Variants in PDE3A observed in about 807,000 individuals in gnomAD.
PDE3A encodes the protein phosphodiesterase 3A, also known as cGMP-inhibited 3',5'-cyclic phosphodiesterase 3A.
In PDE3A, 43 loss-of-function variants were observed where a neutral mutation model predicts 98.3. The observed-to-expected ratio is 0.44, with a 90% CI of 0.34 to 0.56. The LOEUF (loss-of-function observed/expected upper bound fraction) is 0.56, where lower values mean the gene tolerates loss of function less well. Among genes scored for constraint, PDE3A ranks in the 20% least tolerant of loss-of-function variants. The probability of loss-of-function intolerance (pLI) is 0.01; values close to 1 mark genes in which losing one functional copy is unlikely to be tolerated. For missense variants in PDE3A, 1,427 were observed against 1,440.7 expected, an observed-to-expected ratio of 0.99 and a Z score of 0.15; for synonymous variants, 663 against 567.9, an observed-to-expected ratio of 1.17 and a Z score of -2.38.
intron 1 of PDE3A, among the ~76,000 whole-genome samples, chr12:20,508,207 C>T (rs1946152577): frequency 6.6e-6 from 1 of 151,998 alleles, no homozygotes; most frequent in Non-Finnish European, 1.5e-5. Flanking sequence ...CACTTCCTCT[C>T]TGCCTGTGTC....
intron 2 of PDE3A, among the ~76,000 whole-genome samples, chr12:20,598,510 T>C (rs984472033): frequency 6.6e-6 from 1 of 152,114 alleles, no homozygotes; most frequent in Admixed American, 6.6e-5. Context: ...TTATGAGGTG[T>C]TTAATGTTGT....
chr12:20,433,687 A>G (rs1944735114), intron 1 of PDE3A, among the ~76,000 whole-genome samples: 1 of 152,188 alleles, frequency 6.6e-6, no homozygotes, highest in African/African-American at 2.4e-5. Flanking sequence ...AATACACAAG[A>G]TGTAATTTTA....
chr12:20,369,280 A>G lies in PDE3A; in HGVS notation c.-5A>G, dbSNP rs1943407773. 4.0e-6 allele frequency: 6 copies of G among 1,509,294 alleles called. 1 individual carries two copies. The South Asian group carries it at 7.7e-5, about 19-fold the overall frequency. 93.5% of individuals were successfully genotyped at this position (1,509,294 alleles called of 1,614,324 possible). A position where few individuals can be genotyped will look rare whatever the true frequency, so the allele number is the denominator to read the frequency against. On this transcript the variant is annotated 5_prime_UTR_variant, in exon 1 of 16. Coordinates refer to ENST00000359062, the MANE Select transcript of PDE3A (RefSeq NM_000921.5). ...GGGAATTCAGTGAAGAGGGCACCCT[A>G]TACCATGGCAGTGCCCGGCGACGCT... is the stretch of plus-strand genomic sequence containing the variant.
chr12:20,551,790 C>A, intron 1 of PDE3A: 4 of 1,614,004 alleles, frequency 2.5e-6, no homozygotes, highest in Non-Finnish European at 3.4e-6. Flanking sequence ...CGAAGATGGC[C>A]TCGGCCACAT....
intron 2 of PDE3A, among the ~76,000 whole-genome samples, chr12:20,560,873 C>G (rs967231672): frequency 3.3e-5 from 5 of 152,040 alleles, no homozygotes; most frequent in African/African-American, 1.2e-4. Flanking sequence ...ACCCCTACCC[C>G]ATACCAGCCA....
chr12:20,423,078 C>A (rs1944546470), intron 1 of PDE3A, among the ~76,000 whole-genome samples: 1 of 152,046 alleles, frequency 6.6e-6, no homozygotes, highest in African/African-American at 2.4e-5. Context: ...AAATTATAAT[C>A]CCATATTCTA....
rs141129540 is a variant in PDE3A at position 20,417,075 on chromosome 12, T to C, written c.960+46831T>C. The stretch of plus-strand genomic sequence containing the variant: ...AATGTGCATAAATGATGGGAAACTT[T>C]GTTTCTGCAACTAGAATTCATGCTA... On this transcript the variant is annotated intron_variant, in intron 1 of 15. Coordinates refer to ENST00000359062, the MANE Select transcript of PDE3A (RefSeq NM_000921.5). Among the ~76,000 whole-genome samples, 687 of 152,302 alleles carry C rather than the reference T, an allele frequency of 4.5e-3. 3 individuals are homozygous for C. Among genetic ancestry groups the C allele is most frequent in the African/African-American group, 0.016 (650 of 41,570 alleles).
rs192736042 is a variant in PDE3A at position 20,675,197 on chromosome 12, T to A, written c.3185-4833T>A. ...AAAGGTCATTCAGAGACATTTTTTT[T>A]AATTTTCATGTATTTATACAGTTTC... On this transcript the variant is annotated intron_variant, in intron 15 of 15. Transcript: ENST00000359062. 1.4e-3 allele frequency among the ~76,000 whole-genome samples: 219 copies of A among 152,234 alleles called. 1 individual carries two copies. Among genetic ancestry groups the A allele is most frequent in the Non-Finnish European group, 2.6e-3 (176 of 67,992 alleles).
chr12:20,370,249 G>A lies in PDE3A; in HGVS notation c.960+5G>A. The A allele has an allele frequency of 1.3e-6, 2 of 1,522,052 alleles. No homozygotes were observed. Among genetic ancestry groups the A allele is most frequent in the Non-Finnish European group, 1.8e-6 (2 of 1,137,598 alleles). The allele number at this position is 1,522,052 out of a possible 1,614,324, so 94.3% of individuals were successfully genotyped here. A position where few individuals can be genotyped will look rare whatever the true frequency, so the allele number is the denominator to read the frequency against. ...CCCTGTATACCGAGGGAACAGGTAA[G>A]CACTGGCAACTCCTCTCTCGGCTCT... On this transcript the variant is annotated splice_donor_5th_base_variant and intron_variant, in intron 1 of 15. Transcript: ENST00000359062.
At chr12:20,455,246 C>T (rs1945134773) in intron 1 of PDE3A, among the ~76,000 whole-genome samples, 1 of 152,082 alleles carries the variant, frequency 6.6e-6, no homozygotes, top group Admixed American at 6.6e-5. Context: ...CGCTTGTGGC[C>T]ACGTGTACGT....
chr12:20,411,446 A>G lies in PDE3A; in HGVS notation c.960+41202A>G, dbSNP rs1411036107. On this transcript the variant is annotated intron_variant, in intron 1 of 15. Transcript: ENST00000359062. ...TTATTTTACTTGGCATAATGTATTC[A>G]AGGTTTATGTGTATTGTAGCATGTG... Among the ~76,000 whole-genome samples the G allele has an allele frequency of 3.9e-5, 6 of 152,184 alleles. No homozygotes were observed. In the East Asian group the frequency reaches 1.2e-3, roughly 29 times the overall value.
intron 4 of PDE3A, among the ~76,000 whole-genome samples, chr12:20,617,432 C>A (rs933919757): frequency 1.3e-5 from 2 of 151,988 alleles, no homozygotes; most frequent in African/African-American, 4.8e-5. Context: ...CATCCTATTA[C>A]CTGGACTTTT....
intron 1 of PDE3A, among the ~76,000 whole-genome samples, chr12:20,447,316 A>G (rs950829809): frequency 2.0e-5 from 3 of 152,108 alleles, no homozygotes; most frequent in Non-Finnish European, 4.4e-5. Flanking sequence ...AGCTCCTAAA[A>G]CCCTTGATAA....
chr12:20,646,389 G>A (rs1398125625), intron 10 of PDE3A, 101 bp from the exon 11 acceptor site: 7 of 674,482 alleles, frequency 1.0e-5, no homozygotes, highest in Non-Finnish European at 1.9e-5. Context: ...CATGGAAATA[G>A]TAAAATGTTA....
intron 1 of PDE3A, among the ~76,000 whole-genome samples, chr12:20,518,921 G>C (rs953802436): frequency 3.0e-4 from 45 of 152,144 alleles, no homozygotes; most frequent in Non-Finnish European, 1.5e-5. Flanking sequence ...TAGTGTAACT[G>C]AGGAATTGAA....
intron 15 of PDE3A, among the ~76,000 whole-genome samples, chr12:20,676,196 G>A (rs753060382): frequency 6.6e-6 from 1 of 151,972 alleles, no homozygotes; most frequent in Non-Finnish European, 1.5e-5. Flanking sequence ...TTTTCATAAT[G>A]ATAGATATCA....
At position 20,486,241 on chromosome 12, in the gene PDE3A, A is replaced by G. The variant is rs541001966; in HGVS notation, c.961-70419A>G. The stretch of plus-strand genomic sequence containing the variant: ...CTGGGGAGGCCTCGGGAAACTTACA[A>G]TCATGGTGGAAGGTGAAGGGGAAGC... On this transcript the variant is annotated intron_variant, in intron 1 of 15. Coordinates refer to ENST00000359062, the MANE Select transcript of PDE3A (RefSeq NM_000921.5). Among the ~76,000 whole-genome samples, 19 of 152,232 alleles carry G rather than the reference A, an allele frequency of 1.2e-4. No individual in the cohort carries two copies. The South Asian group carries it at 3.9e-3, about 32-fold the overall frequency.
chr12:20,637,306 G>A (rs1355490605), intron 9 of PDE3A, 69 bp downstream of exon 9: 2 of 1,196,478 alleles, frequency 1.7e-6, no homozygotes, highest in Non-Finnish European at 1.2e-6. Flanking sequence ...TTAAAGCTCT[G>A]TAAATTCTTG....
At chr12:20,396,639 T>A (rs905467573) in intron 1 of PDE3A, among the ~76,000 whole-genome samples, 4 of 152,120 alleles carry the variant, frequency 2.6e-5, no homozygotes, top group Non-Finnish European at 5.9e-5. Flanking sequence ...CATTAAATTT[T>A]AAAAATATTT....
Sources: allele counts gnomAD v4.1 joint callset (sites outside exome capture counted in the v4.1 genomes callset), GRCh38; gene constraint gnomAD v4.1.1; transcripts MANE v1.5; gene names NCBI Gene and HGNC (gene_info 2026-07-23, HGNC 2026-07-21).